Variants in PZP observed in about 807,000 individuals in gnomAD.
PZP encodes pregnancy zone protein.
Under a neutral mutation model 179.8 loss-of-function variants are expected in PZP, and 150 were observed. The observed-to-expected ratio is 0.83, with a 90% CI of 0.73 to 0.96. The LOEUF (loss-of-function observed/expected upper bound fraction) is 0.96, where lower values mean the gene tolerates loss of function less well. Ranked by LOEUF, PZP falls within the 40% of genes least tolerant of loss-of-function variation. The pLI is 0.00. For missense variants in PZP, 1,689 were observed against 1,764.0 expected, an observed-to-expected ratio of 0.96 and a Z score of 0.76; for synonymous variants, 624 against 652.3, an observed-to-expected ratio of 0.96 and a Z score of 0.66.
intron 21 of PZP, 42 bp from the exon 22 acceptor site, chr12:9,162,690 C>G: frequency 4.1e-6 from 6 of 1,473,454 alleles, no homozygotes; most frequent in Non-Finnish European, 5.7e-6. Flanking sequence ...TAGAAACATC[C>G]TGGTGACAAG....
At chr12:9,198,029 CATATATATATGCAAACATAT>C (rs1282477645) in intron 7 of PZP, among the ~76,000 whole-genome samples, 1 of 113,632 alleles carries the variant, frequency 8.8e-6, no homozygotes, top group Non-Finnish European at 1.8e-5. Context: ...ACAGTGCAGT[CATATATATATGCAAACATAT>C]ATATATATAT....
At position 9,152,971 on chromosome 12, in the gene PZP, C is replaced by T; in HGVS notation, c.3994-20G>A. On this transcript the variant is annotated intron_variant, in intron 30 of 35. Coordinates refer to ENST00000261336, the MANE Select transcript of PZP (RefSeq NM_002864.3). ...GGATGTCTGTGAAACAGCAAAGACA[C>T]TATCAGTTTCTCTCTTTTTCTGGAC... The T allele has an allele frequency of 1.2e-6, 2 of 1,613,950 alleles. No individual in the cohort carries two copies. Among genetic ancestry groups the T allele is most frequent in the Non-Finnish European group, 1.7e-6 (2 of 1,179,968 alleles).
chr12:9,166,236 A>G (rs1478170950), intron 17 of PZP, 34 bp from the exon 18 acceptor site: 82 of 1,601,302 alleles, frequency 5.1e-5, no homozygotes, highest in Non-Finnish European at 7.0e-5. Context: ...GTTAGGGAAA[A>G]ACATTCATTA....
Position 9,170,030 on chromosome 12 carries a change from T to C in PZP, c.1840-439A>G, listed in dbSNP as rs757624368. 1 of 152,814 alleles carries C rather than the reference T, an allele frequency of 6.5e-6. No individual in the cohort carries two copies. The highest frequency in any genetic ancestry group is 1.9e-4 in the East Asian group (1 of 5,220). The allele number at this position is 152,814 out of a possible 1,614,324, so 9.5% of individuals were successfully genotyped here. On this transcript the variant is annotated intron_variant, in intron 15 of 35. Transcript: ENST00000261336. The surrounding 1 kb of genome is among the most constrained non-coding windows in gnomAD (Gnocchi z 4.6). ...GTATAGATGGCCCATTAGAAGCAGC[T>C]GCGGTCTGCAGCACTTACGGAGTGG...
At chr12:9,180,308 T>C (rs1301273157) in intron 15 of PZP, among the ~76,000 whole-genome samples, 1 of 152,090 alleles carries the variant, frequency 6.6e-6, no homozygotes, top group Admixed American at 6.5e-5. Context: ...ACTTTAAAGT[T>C]CATATGGAAC....
chr12:9,169,619 A>G (rs763086376), intron 15 of PZP, 28 bp from the exon 16 acceptor site: 2 of 1,549,374 alleles, frequency 1.3e-6, no homozygotes, highest in Non-Finnish European at 1.7e-6. Flanking sequence ...TCAAAGGCAG[A>G]ACTGTTACTT....
In PZP at chr12:9,192,720, T is replaced by C. The variant is rs768120060; in HGVS notation, c.1274A>G (p.Asn425Ser). The C allele has an allele frequency of 6.2e-7, 1 of 1,611,732 alleles. No individual in the cohort carries two copies. The highest frequency in any genetic ancestry group is 8.5e-7 in the Non-Finnish European group (1 of 1,177,888). The change falls in exon 12 of 36, where the codon AAC becomes AGC. Residue 425 changes from asparagine to serine, a missense_variant. Transcript: ENST00000261336. ...LFVRVFTVHPNLCFHYSWVAE... is the reference protein window; with the variant it reads ...LFVRVFTVHPSLCFHYSWVAE... Reference sequence around the variant, plus strand: ...TACCCATGAATAGTGAAAACACAAGTTGGGATGCACAGTGAAAACCTGAGT... The same window carrying C: ...TACCCATGAATAGTGAAAACACAAGCTGGGATGCACAGTGAAAACCTGAGT...
downstream of PZP, among the ~76,000 whole-genome samples, chr12:9,145,812 T>G (rs1939979934): frequency 6.6e-6 from 1 of 152,194 alleles, no homozygotes; most frequent in Non-Finnish European, 1.5e-5. Flanking sequence ...GTTTCCCAGG[T>G]ATAGTATTCT....
chr12:9,205,684 A>G (rs1944409504), intron 1 of PZP, among the ~76,000 whole-genome samples: 1 of 152,224 alleles, frequency 6.6e-6, no homozygotes. Flanking sequence ...ATTTGCAAGT[A>G]AAAACTATTA....
intron 14 of PZP, 43 bp downstream of exon 14, chr12:9,181,932 A>G (rs760809529): frequency 2.5e-6 from 4 of 1,593,358 alleles, no homozygotes; most frequent in Non-Finnish European, 3.4e-6. Flanking sequence ...CACCTACAGT[A>G]TCATTTATTT....
chr12:9,198,044 A>G (rs1325269320), intron 7 of PZP, among the ~76,000 whole-genome samples: 1 of 93,298 alleles, frequency 1.1e-5, no homozygotes, highest in Non-Finnish European at 2.2e-5. Context: ...ATATATGCAA[A>G]CATATATATA....
chr12:9,186,646 A>G (rs1943137393), intron 13 of PZP, among the ~76,000 whole-genome samples: 1 of 152,126 alleles, frequency 6.6e-6, no homozygotes, highest in African/African-American at 2.4e-5. Flanking sequence ...TGTGGCACAT[A>G]TACACCATGG....
intron 16 of PZP, 87 bp from the exon 17 acceptor site, chr12:9,169,061 C>A: frequency 1.1e-6 from 1 of 926,314 alleles, no homozygotes; most frequent in Admixed American, 2.1e-5. Context: ...CTATGTAATT[C>A]CAGTATCCTT....
intron 15 of PZP, among the ~76,000 whole-genome samples, chr12:9,180,282 AGAATTG>A (rs1942670769): frequency 6.6e-6 from 1 of 152,196 alleles, no homozygotes; most frequent in Admixed American, 6.5e-5. Flanking sequence ...CTTTCTTCAC[AGAATTG>A]GAAAAAACTA....
At chr12:9,169,315 G>T in intron 16 of PZP, 115 bp downstream of exon 16, 1 of 1,054,354 alleles carries the variant, frequency 9.5e-7, no homozygotes, top group Non-Finnish European at 1.3e-6. Context: ...ATTTTTGTCT[G>T]CTGAAAAATG....
chr12:9,166,218 A>T lies in PZP; in HGVS notation c.2108-16T>A. 1 of 1,607,100 alleles carries T rather than the reference A, an allele frequency of 6.2e-7. No homozygotes were observed. Among genetic ancestry groups the T allele is most frequent in the Non-Finnish European group, 8.5e-7 (1 of 1,178,232 alleles). Reference sequence around the variant, plus strand: ...CCTAGACCTGCTAAAGTAAGAGAAAATTGTCTAGTTAGGGAAAAACATTCA... The same window carrying T: ...CCTAGACCTGCTAAAGTAAGAGAAATTTGTCTAGTTAGGGAAAAACATTCA... On this transcript the variant is annotated splice_polypyrimidine_tract_variant and intron_variant, in intron 17 of 35. Coordinates refer to ENST00000261336, the MANE Select transcript of PZP (RefSeq NM_002864.3).
chr12:9,201,822 T>A (rs1944176020), intron 4 of PZP, among the ~76,000 whole-genome samples: 2 of 152,118 alleles, frequency 1.3e-5, no homozygotes. Context: ...AAAAGCAGCT[T>A]TGTTCCTTTG....
intron 25 of PZP, 45 bp downstream of exon 25, chr12:9,159,893 G>T: frequency 7.3e-6 from 11 of 1,497,294 alleles, no homozygotes; most frequent in Non-Finnish European, 9.3e-6. Context: ...CTATGTGCAC[G>T]TTCTGAACTC....
At chr12:9,178,047 T>A (rs1942505952) in intron 15 of PZP, among the ~76,000 whole-genome samples, 1 of 152,182 alleles carries the variant, frequency 6.6e-6, no homozygotes, top group African/African-American at 2.4e-5. Flanking sequence ...TAATAATTAT[T>A]ACGCTATGAG....
Sources: allele counts gnomAD v4.1 joint callset (sites outside exome capture counted in the v4.1 genomes callset), GRCh38; gene constraint gnomAD v4.1.1; non-coding constraint Gnocchi (gnomAD v3.1); transcripts MANE v1.5; gene names NCBI Gene and HGNC (gene_info 2026-07-23, HGNC 2026-07-21).